The following AKAP13 variants were observed in gnomAD, a reference collection of about 807,000 sequenced individuals.
The protein encoded by AKAP13 is A-kinase anchoring protein 13.
A neutral mutation model predicts 264.5 loss-of-function variants in AKAP13; 80 were observed. The ratio of observed to expected loss-of-function variants is 0.30; its 90% CI spans 0.25 to 0.36. The LOEUF is 0.36. AKAP13 is among the 10% of genes least tolerant of loss of function. The pLI, the probability that AKAP13 is intolerant of heterozygous loss-of-function variation, is 1.00. For synonymous variants in AKAP13, 1,380 were observed against 1,250.2 expected, an observed-to-expected ratio of 1.10 and a Z score of -2.19; for missense variants, 3,712 against 3,435.2, an observed-to-expected ratio of 1.08 and a Z score of -2.01.
chr15:85,381,829 C>T (rs540609374), intron 1 of AKAP13: 2 of 151,692 alleles, frequency 1.3e-5, no homozygotes, highest in African/African-American at 2.4e-5. Context: ...TGTTAGTAGT[C>T]CCCCCCACAA....
chr15:85,504,893 C>A (rs2076163460), intron 2 of AKAP13, among the ~76,000 whole-genome samples: 1 of 152,000 alleles, frequency 6.6e-6, no homozygotes, highest in African/African-American at 2.4e-5. Flanking sequence ...CTCTCTCGCT[C>A]TTGCTCTCCC....
chr15:85,661,661 C>T (rs909312367), intron 12 of AKAP13, among the ~76,000 whole-genome samples: 3 of 152,066 alleles, frequency 2.0e-5, no homozygotes, highest in East Asian at 1.9e-4. Flanking sequence ...ACAGAGGTTG[C>T]GGTGAGCCAG....
At position 85,727,582 on chromosome 15, in the gene AKAP13, T is replaced by C; in HGVS notation, c.7087+119T>C. On this transcript the variant is annotated intron_variant, in intron 29 of 36. Coordinates refer to ENST00000394518, the MANE Select transcript of AKAP13 (RefSeq NM_007200.5). The surrounding 1 kb of genome is among the most constrained non-coding windows in gnomAD (Gnocchi z 5.3). ...GTTCTAAAGCTGCCCCAGCAGGCACTTGAAAGCAGCAAAATGAATAGCTGT... is the reference window on the plus strand; with the variant it reads ...GTTCTAAAGCTGCCCCAGCAGGCACCTGAAAGCAGCAAAATGAATAGCTGT... 4.7e-6 allele frequency: 5 copies of C among 1,056,252 alleles called. No individual in the cohort carries two copies. In the South Asian group the frequency reaches 6.0e-5, roughly 13 times the overall value. 65.4% of individuals were successfully genotyped at this position (1,056,252 alleles called of 1,614,324 possible). A position where few individuals can be genotyped will look rare whatever the true frequency, so the allele number is the denominator to read the frequency against.
At chr15:85,547,742 A>G (rs925099811) in intron 5 of AKAP13, among the ~76,000 whole-genome samples, 4 of 152,212 alleles carry the variant, frequency 2.6e-5, no homozygotes, top group Non-Finnish European at 5.9e-5. Context: ...CTCTAAGTAA[A>G]TGAAAGAATT....
chr15:85,439,746 C>T lies in AKAP13; in HGVS notation c.-11-45964C>T, dbSNP rs1021444076. ...CAAAAAACCAAACACCGCATATTCT[C>T]ACTCATAGGTGGGAATTGAACAGTG... On this transcript the variant is annotated intron_variant, in intron 1 of 36. Transcript: ENST00000394518. Among the ~76,000 whole-genome samples, 4 of 142,394 alleles carry T rather than the reference C, an allele frequency of 2.8e-5. No individual in the cohort carries two copies. The Admixed American group carries it at 2.9e-4, about 10-fold the overall frequency. 93.4% of individuals were successfully genotyped at this position (142,394 alleles called of 152,430 possible). A position where few individuals can be genotyped will look rare whatever the true frequency, so the allele number is the denominator to read the frequency against.
intron 8 of AKAP13, among the ~76,000 whole-genome samples, chr15:85,617,032 CA>C (rs753037276): frequency 6.6e-6 from 1 of 152,220 alleles, no homozygotes; most frequent in Non-Finnish European, 1.5e-5. Flanking sequence ...CTTTATGTCT[CA>C]AACAGTAATC....
intron 5 of AKAP13, chr15:85,555,451 A>G (rs2078109170): frequency 6.2e-6 from 8 of 1,288,976 alleles, no homozygotes; most frequent in Non-Finnish European, 8.1e-6. Context: ...AAACTAAAAG[A>G]GGATGGGCTT....
intron 10 of AKAP13, among the ~76,000 whole-genome samples, chr15:85,654,021 G>A (rs1567176928): frequency 6.6e-6 from 1 of 152,156 alleles, no homozygotes; most frequent in African/African-American, 2.4e-5. Flanking sequence ...CCAGCCACTG[G>A]TATGTTTCAA....
At chr15:85,630,216 A>G (rs1441486296) in intron 8 of AKAP13, among the ~76,000 whole-genome samples, 4 of 98,990 alleles carry the variant, frequency 4.0e-5, no homozygotes, top group Middle Eastern at 5.6e-3. Flanking sequence ...CACATCATGA[A>G]CTAAGATGGA....
At chr15:85,687,876 A>C (rs1475645451) in intron 16 of AKAP13, among the ~76,000 whole-genome samples, 1 of 151,992 alleles carries the variant, frequency 6.6e-6, no homozygotes, top group Non-Finnish European at 1.5e-5. Flanking sequence ...TCATCTCTAC[A>C]AAAAAATTGT....
chr15:85,531,915 A>G (rs2077253501), intron 3 of AKAP13, among the ~76,000 whole-genome samples: 1 of 152,188 alleles, frequency 6.6e-6, no homozygotes, highest in African/African-American at 2.4e-5. Context: ...TTCCTCTTCA[A>G]ACACATTGCC....
chr15:85,654,921 G>A (rs1245654389), intron 10 of AKAP13, among the ~76,000 whole-genome samples: 19 of 152,100 alleles, frequency 1.2e-4, no homozygotes, highest in Admixed American at 1.1e-3. Context: ...GCCAGGCGCA[G>A]TGGCTCACGC....
At chr15:85,478,848 T>TTGC (rs1386763652) in intron 1 of AKAP13, among the ~76,000 whole-genome samples, 1 of 16,678 alleles carries the variant, frequency 6.0e-5, no homozygotes, top group Non-Finnish European at 1.3e-4. Context: ...CTTAACATCA[T>TTGC]TTCCCGAAGT....
intron 1 of AKAP13, among the ~76,000 whole-genome samples, chr15:85,441,594 A>C (rs8029057): frequency 0.28 from 43,234 of 151,998 alleles, 8,578 homozygotes; most frequent in African/African-American, 0.55. Flanking sequence ...CAAGATCACA[A>C]AGATTTTCTC....
chr15:85,425,084 G>A (rs1433342654), intron 1 of AKAP13, among the ~76,000 whole-genome samples: 1 of 152,164 alleles, frequency 6.6e-6, no homozygotes, highest in African/African-American at 2.4e-5. Flanking sequence ...AATATTGTGA[G>A]CATTACCAAA....
Position 85,717,274 on chromosome 15 carries a change from TTTC to T in AKAP13, c.5736-13_5736-11del. The T allele has an allele frequency of 6.4e-7, 1 of 1,551,966 alleles. No homozygotes were observed. Among genetic ancestry groups the T allele is most frequent in the Non-Finnish European group, 8.9e-7 (1 of 1,129,404 alleles). On this transcript the variant is annotated splice_polypyrimidine_tract_variant and intron_variant, in intron 20 of 36. Transcript: ENST00000394518. ...CAGAATGTATTTGACAGTATGTATTTTTCTTTTGTCCCCAGAGTTGGCAATGAT... is the reference window on the plus strand; with the variant it reads ...CAGAATGTATTTGACAGTATGTATTTTTTTGTCCCCAGAGTTGGCAATGAT...
At chr15:85,612,839 AAAAAG>A (rs1221571509) in intron 8 of AKAP13, among the ~76,000 whole-genome samples, 7 of 151,904 alleles carry the variant, frequency 4.6e-5, no homozygotes, top group African/African-American at 1.4e-4. Flanking sequence ...AAAAAAAGAA[AAAAAG>A]AAAGAAAAAG....
chr15:85,427,025 G>A (rs1411324569), intron 1 of AKAP13, among the ~76,000 whole-genome samples: 1 of 142,840 alleles, frequency 7.0e-6, no homozygotes, highest in African/African-American at 2.7e-5. Flanking sequence ...GCGCCATCTC[G>A]GCTCACTGCA....
At chr15:85,728,641 TCA>T (rs563490699) in intron 29 of AKAP13, among the ~76,000 whole-genome samples, 96 of 152,228 alleles carry the variant, frequency 6.3e-4, no homozygotes, top group African/African-American at 2.3e-3. Flanking sequence ...CTAGTAAGTC[TCA>T]CAGAGAAGCT....
Sources: allele counts gnomAD v4.1 joint callset (sites outside exome capture counted in the v4.1 genomes callset), GRCh38; gene constraint gnomAD v4.1.1; non-coding constraint Gnocchi (gnomAD v3.1); transcripts MANE v1.5; gene names NCBI Gene and HGNC (gene_info 2026-07-23, HGNC 2026-07-21).